The following ATAD5 variants were observed in gnomAD, a reference collection of about 807,000 sequenced individuals.
ATAD5 encodes ATPase family AAA domain-containing protein 5.
Under a neutral mutation model 176.9 loss-of-function variants are expected in ATAD5, and 58 were observed. The ratio of observed to expected loss-of-function variants is 0.33; its 90% CI spans 0.27 to 0.41. The LOEUF is 0.41. ATAD5 is among the 10% of genes least tolerant of loss of function. ATAD5 has a pLI of 1.00. For synonymous variants in ATAD5, 640 were observed against 712.6 expected, an observed-to-expected ratio of 0.90 and a Z score of 1.62; for missense variants, 1,789 against 2,094.1, an observed-to-expected ratio of 0.85 and a Z score of 2.84.
intron 18 of ATAD5, among the ~76,000 whole-genome samples, chr17:30,881,867 T>A (rs1042016005): frequency 2.6e-5 from 4 of 151,848 alleles, no homozygotes; most frequent in African/African-American, 9.7e-5. Flanking sequence ...TGAGCCAAGA[T>A]CATACCACTG....
At chr17:30,868,518 T>TTA (rs1290112522) in intron 12 of ATAD5, 106 bp downstream of exon 12, 1 of 812,436 alleles carries the variant, frequency 1.2e-6, no homozygotes, top group African/African-American at 1.8e-5. Flanking sequence ...AATTTTTTTT[T>TTA]TTTTTTGGAG....
At chr17:30,836,305 A>T (rs1004046892) in intron 2 of ATAD5, among the ~76,000 whole-genome samples, 1 of 151,740 alleles carries the variant, frequency 6.6e-6, no homozygotes, top group Admixed American at 6.6e-5. Context: ...TAGCCTCCCA[A>T]GTAGCTGGGA....
intron 6 of ATAD5, among the ~76,000 whole-genome samples, chr17:30,851,129 T>G (rs190460536): frequency 0.027 from 3,885 of 145,546 alleles, 162 homozygotes; most frequent in African/African-American, 0.088. Context: ...CCTCAGGTAA[T>G]CCACCTGCCT....
chr17:30,879,390 A>ATT (rs375473088), intron 17 of ATAD5, 33 bp from the exon 18 acceptor site: 374 of 1,208,336 alleles, frequency 3.1e-4, no homozygotes, highest in African/African-American at 1.1e-3. Flanking sequence ...GTGTTTAAGA[A>ATT]TTTTTTTTTT....
Position 30,834,161 on chromosome 17 carries a change from G to T in ATAD5, c.80G>T (p.Arg27Leu). ...KDCEIEPCKK[R>L]KKDDDTSTCK... ...TTAAATTGCCAGCCATGCAAAAAGC[G>T]AAAGAAAGATGATGACACATCTACC... Residue 27 changes from arginine (R) to leucine (L), a missense_variant, in exon 2 of 23, where the codon CGA becomes CTA. By Grantham distance (102) the Arg-to-Leu change is moderately radical. Transcript: ENST00000321990. 1 of 1,545,774 alleles carries T rather than the reference G, an allele frequency of 6.5e-7. No homozygotes were observed. The highest frequency in any genetic ancestry group is 1.4e-5 in the African/African-American group (1 of 71,812).
chr17:30,857,159 T>G, intron 8 of ATAD5, 47 bp downstream of exon 8: 2 of 1,546,746 alleles, frequency 1.3e-6, no homozygotes, highest in Non-Finnish European at 1.7e-6. Context: ...CCCTTACATC[T>G]TGCAGAGGAA....
chr17:30,834,016 T>C, intron 1 of ATAD5, 132 bp from the exon 2 acceptor site: 2 of 752,052 alleles, frequency 2.7e-6, no homozygotes, highest in Non-Finnish European at 3.9e-6. Flanking sequence ...CTTTCTAATA[T>C]ATCACGTTTT....
intron 19 of ATAD5, among the ~76,000 whole-genome samples, chr17:30,892,209 G>A (rs559597819): frequency 1.3e-5 from 2 of 151,596 alleles, no homozygotes; most frequent in East Asian, 4.0e-4. Flanking sequence ...TGGATCACTC[G>A]AGGTCAAGAG....
rs1212014739 is a variant in ATAD5 at position 30,832,080 on chromosome 17, C to T, written c.-268C>T. On this transcript the variant is annotated 5_prime_UTR_variant, in exon 1 of 23. Coordinates refer to ENST00000321990, the MANE Select transcript of ATAD5 (RefSeq NM_024857.5). ...GTCCCGAGCGCTCAGCCTGAAGCGC[C>T]GCTTTCGAGGGCACCCTGCATACAC... 2.6e-6 allele frequency: 1 copy of T among 383,930 alleles called. No individual in the cohort carries two copies. The highest frequency in any genetic ancestry group is 2.1e-5 in the African/African-American group (1 of 48,108). The allele number at this position is 383,930 out of a possible 1,614,324, so 23.8% of individuals were successfully genotyped here. A position where few individuals can be genotyped will look rare whatever the true frequency, so the allele number is the denominator to read the frequency against.
chr17:30,866,779 C>T (rs2142390835), intron 11 of ATAD5, among the ~76,000 whole-genome samples: 1 of 152,142 alleles, frequency 6.6e-6, no homozygotes, highest in South Asian at 2.1e-4. Flanking sequence ...CGTGCCAGTG[C>T]ACTCCAGCCT....
intron 14 of ATAD5, among the ~76,000 whole-genome samples, chr17:30,872,488 A>G (rs564705642): frequency 1.1e-4 from 16 of 147,128 alleles, no homozygotes; most frequent in Non-Finnish European, 1.8e-4. Flanking sequence ...TTTCTTCTGT[A>G]TTCTTCCCCA....
At chr17:30,837,593 A>C (rs1905830182) in intron 3 of ATAD5, among the ~76,000 whole-genome samples, 1 of 152,198 alleles carries the variant, frequency 6.6e-6, no homozygotes, top group Non-Finnish European at 1.5e-5. Flanking sequence ...TTTTCCTAAC[A>C]CTGCCGATCT....
intron 18 of ATAD5, 33 bp downstream of exon 18, chr17:30,879,520 A>C (rs1439070560): frequency 2.6e-6 from 4 of 1,551,660 alleles, no homozygotes; most frequent in Non-Finnish European, 3.5e-6. Flanking sequence ...CACAAATTAC[A>C]TATCACCATC....
At position 30,859,837 on chromosome 17, in the gene ATAD5, C is replaced by T. The variant is rs566174432; in HGVS notation, c.2957-596C>T. ...CTTCTAGGTTCCACCGATTCTCCTGCTTCTGCCTCCTAGGTAGCTGAGATT... is the reference window on the plus strand; with the variant it reads ...CTTCTAGGTTCCACCGATTCTCCTGTTTCTGCCTCCTAGGTAGCTGAGATT... On this transcript the variant is annotated intron_variant, in intron 9 of 22. Coordinates refer to ENST00000321990, the MANE Select transcript of ATAD5 (RefSeq NM_024857.5). Among the ~76,000 whole-genome samples the T allele has an allele frequency of 4.2e-4, 62 of 146,912 alleles. 14 individuals carry two copies. In the South Asian group the frequency reaches 0.014, roughly 33 times the overall value.
At chr17:30,846,751 G>A (rs1331284386) in intron 6 of ATAD5, among the ~76,000 whole-genome samples, 2 of 134,146 alleles carry the variant, frequency 1.5e-5, no homozygotes, top group East Asian at 2.2e-4. Context: ...ACGGAGTTTC[G>A]CTCTTGTTGC....
chr17:30,893,000 A>G lies in ATAD5; in HGVS notation c.4440+212A>G, dbSNP rs187660252. ...TATTATAGGATTTAGAATAGCATTT[A>G]GAAAATTTTTCAGATAGACTATTTC... is the stretch of plus-strand genomic sequence containing the variant. On this transcript the variant is annotated intron_variant, in intron 20 of 22. Coordinates refer to ENST00000321990, the MANE Select transcript of ATAD5 (RefSeq NM_024857.5). 8.7e-4 allele frequency among the ~76,000 whole-genome samples: 133 copies of G among 152,342 alleles called. 2 individuals carry two copies. Among genetic ancestry groups the G allele is most frequent in the Non-Finnish European group, 1.1e-3 (78 of 68,020 alleles).
chr17:30,832,102 A>G lies in ATAD5; in HGVS notation c.-246A>G, dbSNP rs1905413235. The G allele has an allele frequency of 2.6e-6, 1 of 392,044 alleles. No individual in the cohort carries two copies. Among genetic ancestry groups the G allele is most frequent in the South Asian group, 1.2e-4 (1 of 8,680 alleles). The allele number at this position is 392,044 out of a possible 1,614,324, so 24.3% of individuals were successfully genotyped here. A position where few individuals can be genotyped will look rare whatever the true frequency, so the allele number is the denominator to read the frequency against. Reference sequence around the variant, plus strand: ...CGCCGCTTTCGAGGGCACCCTGCATACACTGGCCGCGCCTCAGGGATCTCA... The same window carrying G: ...CGCCGCTTTCGAGGGCACCCTGCATGCACTGGCCGCGCCTCAGGGATCTCA... On this transcript the variant is annotated 5_prime_UTR_variant, in exon 1 of 23. In the 5' UTR this introduces an upstream ATG that the reference lacks. Transcript: ENST00000321990.
intron 9 of ATAD5, among the ~76,000 whole-genome samples, chr17:30,859,826 C>T (rs1489481738): frequency 1.4e-5 from 2 of 146,612 alleles, no homozygotes; most frequent in South Asian, 2.4e-4. Flanking sequence ...TAGGTTCCAC[C>T]GATTCTCCTG....
chr17:30,843,367 A>G (rs1271742516), intron 4 of ATAD5, among the ~76,000 whole-genome samples: 2 of 149,820 alleles, frequency 1.3e-5, no homozygotes, highest in East Asian at 2.0e-4. Context: ...AAAAAAACAC[A>G]TGAGGCCAGG....
Sources: allele counts gnomAD v4.1 joint callset (sites outside exome capture counted in the v4.1 genomes callset), GRCh38; gene constraint gnomAD v4.1.1; transcripts MANE v1.5; gene names NCBI Gene and HGNC (gene_info 2026-07-23, HGNC 2026-07-21).